Variants in DNAJC16 observed in about 807,000 individuals in gnomAD.
The protein encoded by DNAJC16 is dnaJ homolog subfamily C member 16.
In DNAJC16, 76 loss-of-function variants were observed where a neutral mutation model predicts 92.7. That is an observed-to-expected ratio of 0.82 (90% CI 0.68 to 0.99). The LOEUF (loss-of-function observed/expected upper bound fraction) is 0.99. DNAJC16 is among the 50% of genes least tolerant of loss of function. The pLI is 0.00. For missense variants in DNAJC16, 869 were observed against 942.4 expected, an observed-to-expected ratio of 0.92 and a Z score of 1.02; for synonymous variants, 328 against 358.7, an observed-to-expected ratio of 0.91 and a Z score of 0.97.
chr1:15,557,689 A>G (rs932440978), intron 7 of DNAJC16, among the ~76,000 whole-genome samples: 2 of 151,592 alleles, frequency 1.3e-5, no homozygotes, highest in African/African-American at 2.4e-5. Context: ...ATCAGTCATT[A>G]AAGTTCAAAA....
rs758535372 is a variant in DNAJC16, at chr1:15,544,534, A to T, written c.710A>T (p.Asn237Ile). ...TTCCACAATGCAGTTGTCCGTGAAA[A>T]TCTGCGACAATTTGTAGAAAGTCTT... ...SFFHNAVVRE[N>I]LRQFVESLLP... Residue 237 changes from asparagine (N) to isoleucine (I), a missense_variant, in exon 5 of 15, where the codon AAT (asparagine) becomes ATT (isoleucine). Transcript: ENST00000375847. 6.8e-6 allele frequency: 11 copies of T among 1,614,192 alleles called. No homozygotes were observed. The South Asian group carries it at 1.2e-4, about 18-fold the overall frequency.
At chr1:15,554,211 AAAAG>A (rs963969166) in intron 7 of DNAJC16, among the ~76,000 whole-genome samples, 32 of 152,152 alleles carry the variant, frequency 2.1e-4, no homozygotes, top group Non-Finnish European at 4.6e-4. Flanking sequence ...TCAAAAAAAA[AAAAG>A]AAAGAAAATT....
chr1:15,551,188 GA>G (rs1638434573), intron 7 of DNAJC16, among the ~76,000 whole-genome samples: 1 of 152,114 alleles, frequency 6.6e-6, no homozygotes, highest in Non-Finnish European at 1.5e-5. Context: ...TATCTTTGAT[GA>G]AGCAGTAAGA....
Position 15,567,920 on chromosome 1 carries a change from G to C in DNAJC16, c.2092G>C (p.Val698Leu). The C allele has an allele frequency of 6.2e-7, 1 of 1,614,190 alleles. No homozygotes were observed. Among genetic ancestry groups the C allele is most frequent in the Non-Finnish European group, 8.5e-7 (1 of 1,180,032 alleles). The change falls in exon 15 of 15, where the codon GTA (valine) becomes CTA (leucine). Residue 698 changes from valine to leucine, a missense_variant. Transcript: ENST00000375847. Reference protein sequence around the residue: ...HFMERDYTGYVLALNGHKKYF... With the variant: ...HFMERDYTGYLLALNGHKKYF... ...CATGGAGCGTGACTACACTGGTTAT[G>C]TACTGGCTCTGAATGGCCACAAGAA...
Position 15,567,641 on chromosome 1 carries a change from T to G in DNAJC16, c.1950-137T>G, listed in dbSNP as rs980902178. On this transcript the variant is annotated intron_variant, in intron 14 of 14. Coordinates refer to ENST00000375847, the MANE Select transcript of DNAJC16 (RefSeq NM_015291.4). ...GAGGCACTGGCTCCCACAGAAGGCCTTCTTTTTCTCTGTGTTCAGGCCCCA... is the reference window on the plus strand; with the variant it reads ...GAGGCACTGGCTCCCACAGAAGGCCGTCTTTTTCTCTGTGTTCAGGCCCCA... 18 of 987,826 alleles carry G rather than the reference T, an allele frequency of 1.8e-5. No individual in the cohort carries two copies. In the Admixed American group the frequency reaches 2.3e-4, roughly 13 times the overall value. 61.2% of individuals were successfully genotyped at this position (987,826 alleles called of 1,614,324 possible). A position where few individuals can be genotyped will look rare whatever the true frequency, so the allele number is the denominator to read the frequency against.
At chr1:15,561,839 G>A (rs1638698795) in intron 8 of DNAJC16, among the ~76,000 whole-genome samples, 1 of 150,936 alleles carries the variant, frequency 6.6e-6, no homozygotes, top group East Asian at 1.9e-4. Context: ...ACCAGCCTGG[G>A]CAATATAAAC....
chr1:15,558,097 C>T (rs1638607262), intron 7 of DNAJC16, among the ~76,000 whole-genome samples: 1 of 151,268 alleles, frequency 6.6e-6, no homozygotes, highest in South Asian at 2.1e-4. Context: ...TCTTGAACTC[C>T]TGACCTCAAG....
rs546146398 is a variant in DNAJC16, at chr1:15,536,952, G to A, written c.574+138G>A. On this transcript the variant is annotated intron_variant, in intron 4 of 14. Coordinates refer to ENST00000375847, the MANE Select transcript of DNAJC16 (RefSeq NM_015291.4). ...TGCAACCTCCACCTCCCGGGTTCAA[G>A]TGATTCTCCTGCCTCAACCTCCCGA... The A allele has an allele frequency of 8.8e-4, 604 of 683,662 alleles. 3 individuals carry two copies. Among genetic ancestry groups the A allele is most frequent in the Non-Finnish European group, 1.1e-3 (473 of 437,042 alleles). The allele number at this position is 683,662 out of a possible 1,614,324, so 42.3% of individuals were successfully genotyped here.
At position 15,548,123 on chromosome 1, in the gene DNAJC16, G is replaced by GA. The variant is rs1315405821; in HGVS notation, c.865-145dup. 1.6e-5 allele frequency: 10 copies of GA among 642,646 alleles called. No homozygotes were observed. In the East Asian group the frequency reaches 2.9e-4, roughly 18 times the overall value. The allele number at this position is 642,646 out of a possible 1,614,324, so 39.8% of individuals were successfully genotyped here. ...TTTGCACATGGAACACCATAGAATG[G>GA]AAGTATACAAGGATACGGAAGACCT... On this transcript the variant is annotated intron_variant, in intron 6 of 14. Coordinates refer to ENST00000375847, the MANE Select transcript of DNAJC16 (RefSeq NM_015291.4).
intron 4 of DNAJC16, among the ~76,000 whole-genome samples, chr1:15,543,286 G>C (rs1443057165): frequency 2.0e-5 from 3 of 152,230 alleles, no homozygotes; most frequent in Non-Finnish European, 2.9e-5. Flanking sequence ...TTTAAATATG[G>C]TGCCAAGGTA....
intron 2 of DNAJC16, among the ~76,000 whole-genome samples, chr1:15,533,334 T>TGTGG (rs1710702014): frequency 6.6e-6 from 1 of 152,058 alleles, no homozygotes; most frequent in South Asian, 2.1e-4. Context: ...ATGTTAAACA[T>TGTGG]GTGGCATTGA....
chr1:15,527,148 C>T (rs1046893894), intron 1 of DNAJC16, among the ~76,000 whole-genome samples, 190 bp downstream of exon 1: 1 of 152,188 alleles, frequency 6.6e-6, no homozygotes, highest in Non-Finnish European at 1.5e-5. Flanking sequence ...GGGTTGCGAC[C>T]TCCGGCAGGA....
At position 15,562,165 on chromosome 1, in the gene DNAJC16, C is replaced by T. The variant is rs1231034273; in HGVS notation, c.1178C>T (p.Ala393Val). The T allele has an allele frequency of 3.7e-6, 6 of 1,613,884 alleles. No homozygotes were observed. In the East Asian group the frequency reaches 1.3e-4, roughly 36 times the overall value. ...QRKYCVVLLT[A>V]ETTKLSKPFE... is the part of the protein sequence containing the mutation. ...AGGTACTGTGTGGTTTTATTGACTG[C>T]TGAGACTACCAAGTTGAGCAAACCC... The change falls in exon 9 of 15, where the codon GCT (alanine) becomes GTT (valine). Residue 393 changes from alanine to valine, a missense_variant. Coordinates refer to ENST00000375847, the MANE Select transcript of DNAJC16 (RefSeq NM_015291.4).
intron 7 of DNAJC16, among the ~76,000 whole-genome samples, chr1:15,552,527 A>G (rs564852614): frequency 6.6e-6 from 1 of 152,084 alleles, no homozygotes; most frequent in Non-Finnish European, 1.5e-5. Flanking sequence ...CAGTGGACCA[A>G]TATTCACATA....
rs573389308 is a variant in DNAJC16, at chr1:15,530,828, C to A, written c.167+1556C>A. The stretch of plus-strand genomic sequence containing the variant: ...TCAGCCTCCCAAGTAGCTGGGACTA[C>A]AGGCGTGCACCACCACACCCAGCTA... On this transcript the variant is annotated intron_variant, in intron 2 of 14. Transcript: ENST00000375847. Among the ~76,000 whole-genome samples the A allele has an allele frequency of 8.9e-4, 135 of 152,304 alleles. 4 individuals carry two copies. The highest frequency in any genetic ancestry group is 8.8e-3 in the Admixed American group (134 of 15,304).
At chr1:15,560,126 A>C (rs962628856) in intron 8 of DNAJC16, 5 of 152,254 alleles carry the variant, frequency 3.3e-5, no homozygotes, top group Non-Finnish European at 5.8e-5. Flanking sequence ...AATATGATGT[A>C]TTAGTCCAGG....
chr1:15,567,633 A>G lies in DNAJC16; in HGVS notation c.1950-145A>G, dbSNP rs1638849755. Reference sequence around the variant, plus strand: ...CTGCTGGAGAGGCACTGGCTCCCACAGAAGGCCTTCTTTTTCTCTGTGTTC... The same window carrying G: ...CTGCTGGAGAGGCACTGGCTCCCACGGAAGGCCTTCTTTTTCTCTGTGTTC... On this transcript the variant is annotated intron_variant, in intron 14 of 14. Transcript: ENST00000375847. 4.5e-6 allele frequency: 4 copies of G among 896,308 alleles called. No individual in the cohort carries two copies. In the African/African-American group the frequency reaches 5.0e-5, roughly 11 times the overall value. The allele number at this position is 896,308 out of a possible 1,614,324, so 55.5% of individuals were successfully genotyped here.
chr1:15,567,368 A>G, intron 14 of DNAJC16, 99 bp downstream of exon 14: 1 of 1,237,454 alleles, frequency 8.1e-7, no homozygotes, highest in Non-Finnish European at 1.1e-6. Flanking sequence ...GTGGGGCTTC[A>G]TCCATACAGC....
intron 9 of DNAJC16, among the ~76,000 whole-genome samples, chr1:15,562,552 C>G (rs1361477492): frequency 1.3e-5 from 2 of 151,064 alleles, no homozygotes; most frequent in South Asian, 2.1e-4. Context: ...GTGACATGAT[C>G]TCAGCTCATT....
Sources: allele counts gnomAD v4.1 joint callset (sites outside exome capture counted in the v4.1 genomes callset), GRCh38; gene constraint gnomAD v4.1.1; transcripts MANE v1.5; gene names NCBI Gene and HGNC (gene_info 2026-07-23, HGNC 2026-07-21).